Variants in ESR1 observed in about 807,000 individuals in gnomAD.
ESR1 encodes the protein estrogen receptor 1.
In ESR1, 12 loss-of-function variants were observed where a neutral mutation model predicts 52.7. That is an observed-to-expected ratio of 0.23 (90% CI 0.15 to 0.37). ESR1 has a LOEUF of 0.37. Among genes scored for constraint, ESR1 ranks in the 10% least tolerant of loss-of-function variants. The pLI, the probability that ESR1 is intolerant of heterozygous loss-of-function variation, is 1.00. For missense variants in ESR1, 584 were observed against 779.7 expected (o/e 0.75, Z 2.99); for synonymous variants, 305 against 316.8 (o/e 0.96, Z 0.39).
rs192423791 is a variant in ESR1, at chr6:151,791,298, C to G, written c.-70-16545C>G. Among the ~76,000 whole-genome samples the G allele has an allele frequency of 2.6e-4, 40 of 152,218 alleles. No homozygotes were observed. The East Asian group carries it at 7.4e-3, about 28-fold the overall frequency. On this transcript the variant is annotated intron_variant, in intron 2 of 2. Coordinates refer to the ESR1 transcript ENST00000404742. The stretch of plus-strand genomic sequence containing the variant: ...TTGAATCACGGGGGCGGGTCTCTCC[C>G]GTGCTGTTCTCGTGGTAATGAATAA...
At chr6:151,735,594 G>T (rs570399540) in intron 2 of ESR1, among the ~76,000 whole-genome samples, 1 of 152,086 alleles carries the variant, frequency 6.6e-6, no homozygotes, top group Admixed American at 6.5e-5. Flanking sequence ...TAGCTTTAGG[G>T]GTACAAGTGG....
intron 1 of ESR1, among the ~76,000 whole-genome samples, chr6:151,822,928 T>C (rs1661741152): frequency 6.6e-6 from 1 of 152,176 alleles, no homozygotes; most frequent in South Asian, 2.1e-4. Flanking sequence ...GTTAAACGTG[T>C]GATGATTTCC....
intron 3 of ESR1, among the ~76,000 whole-genome samples, chr6:151,932,109 C>T (rs1278307868): frequency 6.7e-6 from 1 of 149,756 alleles, no homozygotes; most frequent in Admixed American, 6.6e-5. Flanking sequence ...TCCTCTCCAG[C>T]ACCTGTTGTT....
rs77969850 is a variant in ESR1 at position 151,918,094 on chromosome 6, G to A, written c.761-26079G>A. Among the ~76,000 whole-genome samples, 548 of 152,234 alleles carry A rather than the reference G, an allele frequency of 3.6e-3. 5 individuals are homozygous for A. The highest frequency in any genetic ancestry group is 0.012 in the African/African-American group (492 of 41,546). On this transcript the variant is annotated intron_variant, in intron 3 of 7. Coordinates refer to ENST00000206249, the MANE Select transcript of ESR1 (RefSeq NM_000125.4). Reference sequence around the variant, plus strand: ...GAGGCTTGGGCTGTTGTAAACTTGTGGGCAGATACCCAGTGATGGGGCAGA... The same window carrying A: ...GAGGCTTGGGCTGTTGTAAACTTGTAGGCAGATACCCAGTGATGGGGCAGA...
chr6:151,745,182 C>A (rs968798207), intron 2 of ESR1, among the ~76,000 whole-genome samples: 7 of 152,144 alleles, frequency 4.6e-5, no homozygotes, highest in Admixed American at 1.3e-4. Context: ...AATTCCAGGT[C>A]CTATCTAGCA....
rs758513739 is a variant in ESR1 at position 151,717,572 on chromosome 6, CTA to C, written c.-71+15569_-71+15570del. On this transcript the variant is annotated intron_variant, in intron 2 of 2. Transcript: ENST00000404742. The stretch of plus-strand genomic sequence containing the variant: ...AATTTTCTTCATATTGGCTTTCTTG[CTA>C]TGTTTCTTTTTAGCATAAAGCTAAT... Among the ~76,000 whole-genome samples the C allele has an allele frequency of 3.3e-5, 5 of 152,116 alleles. No individual in the cohort carries two copies. The East Asian group carries it at 9.7e-4, about 29-fold the overall frequency.
At chr6:151,729,606 A>G (rs1422966658) in intron 2 of ESR1, among the ~76,000 whole-genome samples, 2 of 152,160 alleles carry the variant, frequency 1.3e-5, no homozygotes, top group Non-Finnish European at 2.9e-5. Flanking sequence ...GCCATGTGCT[A>G]GAGACTGTGC....
rs144758736 is a variant in ESR1, at chr6:151,960,912, G to A, written c.1096+16404G>A. ...GAGGTAGAGCTGACAGGATTTTCCC[G>A]ATGGGCTGGGCGTAGTATGTGAGAG... On this transcript the variant is annotated intron_variant, in intron 4 of 7. Coordinates refer to ENST00000206249, the MANE Select transcript of ESR1 (RefSeq NM_000125.4). Among the ~76,000 whole-genome samples the A allele has an allele frequency of 5.0e-3, 756 of 152,276 alleles. 4 individuals are homozygous for A. Among genetic ancestry groups the A allele is most frequent in the Middle Eastern group, 6.8e-3 (2 of 292 alleles).
intron 1 of ESR1, among the ~76,000 whole-genome samples, chr6:151,677,708 C>T (rs1402317464): frequency 6.6e-6 from 1 of 152,152 alleles, no homozygotes; most frequent in Non-Finnish European, 1.5e-5. Context: ...TTCCTTTGGC[C>T]TGTGCTTCTT....
chr6:151,846,036 A>G (rs778871567), intron 2 of ESR1, among the ~76,000 whole-genome samples: 3 of 152,086 alleles, frequency 2.0e-5, no homozygotes, highest in Non-Finnish European at 4.4e-5. Context: ...ATAGGATCCA[A>G]ACTCCACTCA....
At chr6:151,683,783 C>T (rs139567788) in intron 1 of ESR1, among the ~76,000 whole-genome samples, 5,111 of 151,928 alleles carry the variant, frequency 0.034, 99 homozygotes, top group South Asian at 0.056. Context: ...ACTGAAACCT[C>T]CACCTCCCAG....
At chr6:151,887,698 A>G (rs578170939) in intron 3 of ESR1, among the ~76,000 whole-genome samples, 1 of 152,298 alleles carries the variant, frequency 6.6e-6, no homozygotes, top group Admixed American at 6.5e-5. Context: ...GGATGAAGGC[A>G]GGTCAGCCTC....
At chr6:151,844,323 T>TATAA (rs1448378153) in intron 2 of ESR1, among the ~76,000 whole-genome samples, 1 of 152,170 alleles carries the variant, frequency 6.6e-6, no homozygotes, top group East Asian at 1.9e-4. Context: ...TTTGATTTTA[T>TATAA]ATAATCTAAA....
chr6:152,070,726 A>G (rs999577890), intron 6 of ESR1, among the ~76,000 whole-genome samples: 2 of 138,876 alleles, frequency 1.4e-5, no homozygotes, highest in South Asian at 4.5e-4. Context: ...GGCCTCCCCC[A>G]TGGGGTCATT....
chr6:152,036,661 G>T (rs2045331277), intron 5 of ESR1, among the ~76,000 whole-genome samples: 1 of 152,202 alleles, frequency 6.6e-6, no homozygotes, highest in Non-Finnish European at 1.5e-5. Context: ...GAAATGGTAT[G>T]TTCTGGAAAA....
chr6:151,795,296 G>A (rs1776585280), intron 2 of ESR1, among the ~76,000 whole-genome samples: 1 of 151,832 alleles, frequency 6.6e-6, no homozygotes, highest in East Asian at 1.9e-4. Context: ...AAACCAGCCT[G>A]GGCAACATGG....
chr6:152,127,931 A>G (rs1034066355), exon 7 of ESR1: 1 of 152,160 alleles, frequency 6.6e-6, no homozygotes, highest in African/African-American at 2.4e-5. Flanking sequence ...GTCATTTGCC[A>G]CTTCTCATTC....
intron 3 of ESR1, among the ~76,000 whole-genome samples, chr6:151,893,364 A>G (rs1794979607): frequency 6.6e-6 from 1 of 152,036 alleles, no homozygotes; most frequent in Non-Finnish European, 1.5e-5. Flanking sequence ...AAGAAAAGAA[A>G]TGTTCTGGTC....
At chr6:151,719,353 G>T (rs1394110128) in intron 2 of ESR1, among the ~76,000 whole-genome samples, 3 of 152,158 alleles carry the variant, frequency 2.0e-5, no homozygotes, top group Admixed American at 6.5e-5. Flanking sequence ...GTGGAGGAAG[G>T]GTGCAAGAGT....
Sources: gnomAD v4.1 joint callset for allele counts (sites outside exome capture counted in the v4.1 genomes callset) on GRCh38, gnomAD v4.1.1 for gene constraint, MANE v1.5 for transcripts, NCBI Gene and HGNC (gene_info 2026-07-23, HGNC 2026-07-21) for gene names.